The following SEZ6L variants were observed in gnomAD, a reference collection of about 807,000 sequenced individuals.
The protein encoded by SEZ6L is seizure related 6 homolog like, also known as seizure 6-like protein.
SEZ6L carries 37 observed loss-of-function variants against 106.2 expected under a neutral mutation model. The ratio of observed to expected loss-of-function variants is 0.35; its 90% CI spans 0.27 to 0.46. The LOEUF (loss-of-function observed/expected upper bound fraction) is 0.46. Ranked by LOEUF, SEZ6L falls within the 20% of genes least tolerant of loss-of-function variation. The probability of loss-of-function intolerance (pLI) is 1.00; values close to 1 mark genes in which losing one functional copy is unlikely to be tolerated. For missense variants in SEZ6L, 1,172 were observed against 1,332.8 expected, an observed-to-expected ratio of 0.88 and a Z score of 1.88; for synonymous variants, 541 against 570.4, an observed-to-expected ratio of 0.95 and a Z score of 0.73.
chr22:26,281,734 A>G (rs1394273134), intron 1 of SEZ6L, among the ~76,000 whole-genome samples: 1 of 152,128 alleles, frequency 6.6e-6, no homozygotes, highest in East Asian at 1.9e-4. Context: ...GTGGAAAACA[A>G]ACTAAGAAAT....
intron 1 of SEZ6L, among the ~76,000 whole-genome samples, chr22:26,259,406 A>G (rs999290509): frequency 2.0e-5 from 3 of 152,180 alleles, no homozygotes; most frequent in African/African-American, 7.2e-5. Context: ...AAGGTGAGGA[A>G]CCCATGTAAT....
Position 26,311,842 on chromosome 22 carries a change from A to G in SEZ6L, c.1756A>G (p.Ile586Val). 1.2e-6 allele frequency: 2 copies of G among 1,614,070 alleles called. No individual in the cohort carries two copies. Among genetic ancestry groups the G allele is most frequent in the Non-Finnish European group, 1.7e-6 (2 of 1,179,978 alleles). The change falls in exon 8 of 17, where the codon ATT becomes GTT. Residue 586 changes from isoleucine (I) to valine (V), a missense_variant. Around this residue, in one of 4 missense-constraint regions of SEZ6L, gnomAD observed 534 missense variants for 691.0 expected, o/e 0.77. Transcript: ENST00000248933. ...CACTACATCCGACCCGACCTATAAC[A>G]TTGGGACTATAGTGGAGTTCACCTG... ...NFTTSDPTYN[I>V]GTIVEFTCDP...
intron 1 of SEZ6L, among the ~76,000 whole-genome samples, chr22:26,283,421 C>T (rs1435040840): frequency 6.6e-6 from 1 of 151,922 alleles, no homozygotes; most frequent in Non-Finnish European, 1.5e-5. Context: ...TATGTGTGTT[C>T]TAGTCGAAAG....
chr22:26,348,646 AAAAGAAAGAAAG>A (rs768075015), intron 11 of SEZ6L, among the ~76,000 whole-genome samples: 119 of 7,662 alleles, frequency 0.016, 1 homozygote, highest in Non-Finnish European at 0.02. Context: ...GAAAGAAAGA[AAAAGAAAGAAAG>A]AAAGAAAGAA....
At chr22:26,340,770 T>G (rs575011790) in intron 10 of SEZ6L, 138 bp downstream of exon 10, 3 of 732,186 alleles carry the variant, frequency 4.1e-6, no homozygotes, top group Admixed American at 3.3e-5. Context: ...ATTTCATTTT[T>G]AAAAGCCTGG....
intron 1 of SEZ6L, among the ~76,000 whole-genome samples, chr22:26,224,418 G>C (rs538440588): frequency 2.2e-4 from 34 of 152,196 alleles, no homozygotes; most frequent in Admixed American, 7.2e-4. Flanking sequence ...AGCTATCAGA[G>C]AAGGAGACAG....
rs113084121 is a variant in SEZ6L at position 26,378,071 on chromosome 22, G to A, written c.3045+296G>A. Among the ~76,000 whole-genome samples the A allele has an allele frequency of 6.1e-4, 93 of 152,090 alleles. 1 individual carries two copies. The highest frequency in any genetic ancestry group is 6.8e-3 in the Middle Eastern group (2 of 294). ...AGACCAACGGTGGCCTGGTGGCAAC[G>A]TGCTGCATTCCCACACATCCCACTG... is the stretch of plus-strand genomic sequence containing the variant. On this transcript the variant is annotated intron_variant, in intron 16 of 16. Coordinates refer to ENST00000248933, the MANE Select transcript of SEZ6L (RefSeq NM_021115.5).
At chr22:26,327,208 A>G (rs908227274) in intron 9 of SEZ6L, among the ~76,000 whole-genome samples, 3 of 142,212 alleles carry the variant, frequency 2.1e-5, no homozygotes, top group African/African-American at 8.1e-5. Context: ...GTGTGGCAGT[A>G]TATACCACAC....
chr22:26,312,863 C>A (rs2081883208), intron 8 of SEZ6L, among the ~76,000 whole-genome samples: 1 of 152,210 alleles, frequency 6.6e-6, no homozygotes, highest in Non-Finnish European at 1.5e-5. Flanking sequence ...AGCCATCGCA[C>A]CTGGCCCGTT....
chr22:26,355,041 T>C (rs8137530), intron 12 of SEZ6L, among the ~76,000 whole-genome samples: 2,803 of 152,334 alleles, frequency 0.018, 95 homozygotes, highest in African/African-American at 0.064. Context: ...GGATGCAGTC[T>C]AGGTTCTGAA....
At chr22:26,285,557 T>A (rs1337522232) in intron 1 of SEZ6L, among the ~76,000 whole-genome samples, 1 of 152,188 alleles carries the variant, frequency 6.6e-6, no homozygotes, top group Non-Finnish European at 1.5e-5. Flanking sequence ...GTGTTTGGAA[T>A]CATTTTTGGT....
chr22:26,350,655 CTTTTT>C (rs1181293548), intron 11 of SEZ6L, among the ~76,000 whole-genome samples: 1 of 130,422 alleles, frequency 7.7e-6, no homozygotes, highest in Non-Finnish European at 1.6e-5. Context: ...AGTTAGGAAA[CTTTTT>C]TTTTTTTTTT....
chr22:26,311,959 A>G lies in SEZ6L; in HGVS notation c.1873A>G (p.Arg625Gly), dbSNP rs779112011. 4 of 1,613,420 alleles carry G rather than the reference A, an allele frequency of 2.5e-6. No individual in the cohort carries two copies. Among genetic ancestry groups the G allele is most frequent in the Non-Finnish European group, 3.4e-6 (4 of 1,179,542 alleles). Reference sequence around the variant, plus strand: ...CTGGAATGACACAGAGCCCCTGTGCAGAGGTGAGCGGATCCACAACGCTCT... The same window carrying G: ...CTGGAATGACACAGAGCCCCTGTGCGGAGGTGAGCGGATCCACAACGCTCT... The part of the protein sequence containing the change: ...PYWNDTEPLC[R>G]AMCGGELSAV... Residue 625 changes from arginine (R) to glycine (G), a missense_variant, in exon 8 of 17, where the codon AGA becomes GGA. Physicochemically the swap from Arg to Gly is moderately radical, Grantham distance 125. This residue lies in a region of SEZ6L where 534 missense variants were observed against 691.0 expected (regional missense o/e 0.77). Transcript: ENST00000248933.
chr22:26,262,803 C>T (rs1457602422), intron 1 of SEZ6L, among the ~76,000 whole-genome samples: 1 of 152,156 alleles, frequency 6.6e-6, no homozygotes, highest in African/African-American at 2.4e-5. Flanking sequence ...CAAGAGAAAC[C>T]TTGGTCCCTA....
chr22:26,332,780 A>T (rs1179797782), intron 9 of SEZ6L, among the ~76,000 whole-genome samples: 1 of 152,178 alleles, frequency 6.6e-6, no homozygotes, highest in Non-Finnish European at 1.5e-5. Flanking sequence ...TTTTTTATTC[A>T]TGTTTTCTGA....
chr22:26,191,711 A>T (rs909488841), intron 1 of SEZ6L, among the ~76,000 whole-genome samples: 5 of 152,196 alleles, frequency 3.3e-5, no homozygotes, highest in African/African-American at 9.7e-5. Flanking sequence ...TATGTAACAA[A>T]CCTGTACATC....
At chr22:26,303,239 C>T (rs1189403613) in intron 5 of SEZ6L, among the ~76,000 whole-genome samples, 1 of 152,164 alleles carries the variant, frequency 6.6e-6, no homozygotes, top group Non-Finnish European at 1.5e-5. Context: ...TATGGAGCTT[C>T]TTGGCAATGT....
At chr22:26,311,666 T>TG in intron 7 of SEZ6L, 102 bp from the exon 8 acceptor site, 1 of 1,043,266 alleles carries the variant, frequency 9.6e-7, no homozygotes, top group South Asian at 1.5e-5. Context: ...CTGTTTTCTT[T>TG]GGGGCTTTTC....
At chr22:26,254,795 A>G (rs897698541) in intron 1 of SEZ6L, among the ~76,000 whole-genome samples, 13 of 152,102 alleles carry the variant, frequency 8.5e-5, no homozygotes, top group African/African-American at 3.1e-4. Flanking sequence ...AGGGGTCTTA[A>G]TGAGGAGGGT....
Sources: gnomAD v4.1 joint callset for allele counts (sites outside exome capture counted in the v4.1 genomes callset) on GRCh38, gnomAD v4.1.1 for gene constraint, gnomAD v4.1.1 regional missense constraint, MANE v1.5 for transcripts, NCBI Gene and HGNC (gene_info 2026-07-23, HGNC 2026-07-21) for gene names.